Variants in SUCLG2 observed in about 807,000 individuals in gnomAD.
The protein encoded by SUCLG2 is succinate-CoA ligase GDP-forming subunit beta.
A neutral mutation model predicts 47.9 loss-of-function variants in SUCLG2; 42 were observed. The ratio of observed to expected loss-of-function variants is 0.88; its 90% CI spans 0.69 to 1.14. The LOEUF (loss-of-function observed/expected upper bound fraction) is 1.14, where lower values mean the gene tolerates loss of function less well. SUCLG2 is among the 50% of genes most tolerant of loss of function. The pLI, the probability that SUCLG2 is intolerant of heterozygous loss-of-function variation, is 0.00. For synonymous variants in SUCLG2, 195 were observed against 197.3 expected (o/e 0.99, Z 0.10); for missense variants, 571 against 525.9 (o/e 1.09, Z -0.84).
chr3:67,382,840 G>A (rs536725996), intron 10 of SUCLG2, among the ~76,000 whole-genome samples: 1 of 152,200 alleles, frequency 6.6e-6, no homozygotes, highest in Non-Finnish European at 1.5e-5. Flanking sequence ...ACTGGGAGAG[G>A]GGAATTCAGT....
At chr3:67,504,396 C>T (rs759106224) in intron 7 of SUCLG2, among the ~76,000 whole-genome samples, 10 of 152,086 alleles carry the variant, frequency 6.6e-5, no homozygotes, top group Non-Finnish European at 1.2e-4. Flanking sequence ...GAAATCAATC[C>T]GAAGAAAGAA....
intron 9 of SUCLG2, among the ~76,000 whole-genome samples, chr3:67,426,191 C>T (rs542473002): frequency 1.3e-5 from 2 of 151,938 alleles, no homozygotes; most frequent in South Asian, 2.1e-4. Context: ...AAAAAACAAG[C>T]AAACAATAAC....
At position 67,396,790 on chromosome 3, in the gene SUCLG2, C is replaced by A. The variant is rs1471234364; in HGVS notation, c.1183+3941G>T. On this transcript the variant is annotated intron_variant, in intron 10 of 10. Transcript: ENST00000307227. ...AATCCTCAATAAAATACTGGCAAAC[C>A]GAATCTAGCAGCATATCAAAAAGCT... 2.0e-5 allele frequency among the ~76,000 whole-genome samples: 3 copies of A among 152,074 alleles called. No homozygotes were observed. The South Asian group carries it at 6.2e-4, about 32-fold the overall frequency.
At chr3:67,608,664 T>C (rs1285074869) in intron 2 of SUCLG2, among the ~76,000 whole-genome samples, 1 of 137,248 alleles carries the variant, frequency 7.3e-6, no homozygotes, top group Non-Finnish European at 1.6e-5. Flanking sequence ...GGGAAGTTGT[T>C]TGTTGTTCTA....
intron 1 of SUCLG2, among the ~76,000 whole-genome samples, chr3:67,626,024 A>T (rs1267607191): frequency 7.2e-6 from 1 of 138,584 alleles, no homozygotes; most frequent in Admixed American, 7.2e-5. Context: ...ATATATTTAC[A>T]TTTTTTTTTT....
At chr3:67,435,440 GT>G (rs1043449960) in intron 9 of SUCLG2, among the ~76,000 whole-genome samples, 2 of 152,120 alleles carry the variant, frequency 1.3e-5, no homozygotes, top group Admixed American at 6.5e-5. Flanking sequence ...GCGATAATGG[GT>G]TTTTTATTAT....
intron 2 of SUCLG2, among the ~76,000 whole-genome samples, chr3:67,585,899 G>A (rs1426957705): frequency 6.7e-6 from 1 of 149,232 alleles, no homozygotes; most frequent in East Asian, 2.0e-4. Context: ...CCCAGGAGGT[G>A]GAGGTAGCAG....
At chr3:67,573,841 C>T (rs939734096) in intron 2 of SUCLG2, among the ~76,000 whole-genome samples, 2 of 152,074 alleles carry the variant, frequency 1.3e-5, no homozygotes, top group Non-Finnish European at 2.9e-5. Context: ...GTCTGCGAGC[C>T]TGAATTTTTG....
intron 9 of SUCLG2, among the ~76,000 whole-genome samples, chr3:67,473,837 A>G (rs1704666032): frequency 1.3e-5 from 2 of 152,200 alleles, no homozygotes; most frequent in Admixed American, 6.5e-5. Context: ...TATCATTCAC[A>G]TCACCTCCCA....
intron 9 of SUCLG2, among the ~76,000 whole-genome samples, chr3:67,494,617 C>A (rs1705283945): frequency 6.6e-6 from 1 of 151,926 alleles, no homozygotes; most frequent in Admixed American, 6.6e-5. Flanking sequence ...CAGAACGAGA[C>A]CCTGTCTCTA....
At chr3:67,515,849 C>T (rs952572646) in intron 6 of SUCLG2, among the ~76,000 whole-genome samples, 4 of 152,170 alleles carry the variant, frequency 2.6e-5, no homozygotes, top group Non-Finnish European at 5.9e-5. Context: ...TCCCTGGGAT[C>T]CCAAGCCATA....
intron 9 of SUCLG2, among the ~76,000 whole-genome samples, chr3:67,409,650 G>C (rs1702892379): frequency 6.6e-6 from 1 of 152,056 alleles, no homozygotes; most frequent in African/African-American, 2.4e-5. Context: ...GGTTTAGTCT[G>C]TCAACATTGC....
At chr3:67,498,403 T>C (rs1008015983) in intron 7 of SUCLG2, 108 bp from the exon 8 acceptor site, 3 of 1,196,492 alleles carry the variant, frequency 2.5e-6, no homozygotes, top group Non-Finnish European at 3.5e-6. Flanking sequence ...ACTGTCATTT[T>C]TTTTCACATG....
intron 2 of SUCLG2, among the ~76,000 whole-genome samples, chr3:67,544,342 G>A (rs1456116031): frequency 6.6e-6 from 1 of 152,090 alleles, no homozygotes; most frequent in African/African-American, 2.4e-5. Flanking sequence ...CTAGTGGGAG[G>A]TGATTGGATC....
intron 2 of SUCLG2, among the ~76,000 whole-genome samples, chr3:67,597,491 G>A (rs924575800): frequency 1.3e-5 from 2 of 152,064 alleles, no homozygotes; most frequent in Admixed American, 6.5e-5. Context: ...AAGATGAATG[G>A]GAAAGTTTTA....
chr3:67,370,507 C>A (rs1701938297), downstream of SUCLG2, among the ~76,000 whole-genome samples: 1 of 152,096 alleles, frequency 6.6e-6, no homozygotes, highest in Non-Finnish European at 1.5e-5. Context: ...TAAAACCCAA[C>A]CAATACTTTT....
intron 5 of SUCLG2, among the ~76,000 whole-genome samples, chr3:67,518,781 C>T (rs1305853427): frequency 6.6e-6 from 1 of 152,098 alleles, no homozygotes; most frequent in Non-Finnish European, 1.5e-5. Context: ...GTTACCTTAG[C>T]TCTACAAAAT....
chr3:67,523,843 T>A (rs531778682), intron 4 of SUCLG2, among the ~76,000 whole-genome samples: 2 of 152,308 alleles, frequency 1.3e-5, no homozygotes, highest in Non-Finnish European at 2.9e-5. Context: ...TCAGTAGTTA[T>A]TCTTAGAGGC....
intron 9 of SUCLG2, among the ~76,000 whole-genome samples, chr3:67,462,152 C>T (rs993240789): frequency 5.9e-5 from 9 of 151,966 alleles, no homozygotes; most frequent in Non-Finnish European, 1.3e-4. Context: ...AGAAGCAAAC[C>T]TCAAAAAACA....
Sources: gnomAD v4.1 joint callset for allele counts (sites outside exome capture counted in the v4.1 genomes callset) on GRCh38, gnomAD v4.1.1 for gene constraint, MANE v1.5 for transcripts, NCBI Gene and HGNC (gene_info 2026-07-23, HGNC 2026-07-21) for gene names.